The following CDH23 variants were observed in gnomAD, a reference collection of about 807,000 sequenced individuals.
CDH23 encodes the protein cadherin related 23, also known as cadherin-23.
CDH23 carries 189 observed loss-of-function variants against 317.1 expected under a neutral mutation model. The ratio of observed to expected loss-of-function variants is 0.60; its 90% confidence interval spans 0.53 to 0.67. The LOEUF (loss-of-function observed/expected upper bound fraction) is 0.67, where lower values mean the gene tolerates loss of function less well. CDH23 is among the 30% of genes least tolerant of loss of function. The pLI, the probability that CDH23 is intolerant of heterozygous loss-of-function variation, is 0.00. For missense variants in CDH23, 4,401 were observed against 4,592.4 expected, an observed-to-expected ratio of 0.96 and a Z score of 1.20; for synonymous variants, 1,839 against 1,876.8, an observed-to-expected ratio of 0.98 and a Z score of 0.52.
chr10:71,482,881 T>A (rs1346926387), intron 3 of CDH23, among the ~76,000 whole-genome samples: 1 of 152,196 alleles, frequency 6.6e-6, no homozygotes, highest in Non-Finnish European at 1.5e-5. Flanking sequence ...GAGGGAGCCA[T>A]CCTGAAGTGT....
At chr10:71,536,112 C>T (rs1855686552) in intron 6 of CDH23, among the ~76,000 whole-genome samples, 1 of 152,340 alleles carries the variant, frequency 6.6e-6, no homozygotes, top group South Asian at 2.1e-4. Context: ...GCGCTTGCAT[C>T]GTGGGAAAGG....
At chr10:71,429,466 G>T (rs1052720933) in intron 1 of CDH23, among the ~76,000 whole-genome samples, 1 of 152,150 alleles carries the variant, frequency 6.6e-6, no homozygotes, top group Non-Finnish European at 1.5e-5. Flanking sequence ...GGGAGACCCC[G>T]CATGGGTGTG....
chr10:71,502,659 T>C (rs1853402642), intron 3 of CDH23, among the ~76,000 whole-genome samples: 1 of 152,134 alleles, frequency 6.6e-6, no homozygotes, highest in Non-Finnish European at 1.5e-5. Flanking sequence ...GAAATGTGCA[T>C]GGCCAGGGAG....
At chr10:71,713,359 T>G in intron 28 of CDH23, 1 of 754,226 alleles carries the variant, frequency 1.3e-6, no homozygotes, top group South Asian at 1.4e-5. Flanking sequence ...CCCAGAGGCC[T>G]CAGTTGCTGG....
Position 71,751,719 on chromosome 10 carries a change from TG to T in CDH23, c.4845+9801del. ...GGGCCTGGAGGAGACAGGGGGGTGC[TG>T]GGCTCCGAAAGCAGATGCCGCCCAG... On this transcript the variant is annotated intron_variant, in intron 38 of 69. Coordinates refer to ENST00000224721, the MANE Select transcript of CDH23 (RefSeq NM_022124.6). The surrounding 1 kb of genome is among the most constrained non-coding windows in gnomAD (Gnocchi z 4.9). 6.3e-7 allele frequency: 1 copy of T among 1,579,516 alleles called. No homozygotes were observed. Among genetic ancestry groups the T allele is most frequent in the Non-Finnish European group, 8.6e-7 (1 of 1,164,358 alleles).
At position 71,809,147 on chromosome 10, in the gene CDH23, GTT is replaced by G. The variant is rs145830607; in HGVS notation, c.8723-670_8723-669del. 2.3e-3 allele frequency among the ~76,000 whole-genome samples: 293 copies of G among 129,426 alleles called. 1 individual carries two copies. The highest frequency in any genetic ancestry group is 8.1e-3 in the African/African-American group (282 of 34,606). 84.9% of individuals were successfully genotyped at this position (129,426 alleles called of 152,430 possible). ...CCACCTGACCATCTCTCTTCTATGG[GTT>G]TTGTTGTTTTCTTTTTCCTTTTTTT... On this transcript the variant is annotated intron_variant, in intron 60 of 69. Coordinates refer to ENST00000224721, the MANE Select transcript of CDH23 (RefSeq NM_022124.6).
rs1161981728 is a variant in CDH23 at position 71,734,316 on chromosome 10, G to T, written c.4181G>T (p.Gly1394Val). The change falls in exon 33 of 70, where the codon GGC becomes GTC. Residue 1394 changes from glycine to valine, a missense_variant. Physicochemically the swap from Gly to Val is moderately radical, Grantham distance 109. Coordinates refer to ENST00000224721, the MANE Select transcript of CDH23 (RefSeq NM_022124.6). ...FYTLTVVADD[G>V]GPKVDSTVKV... ...ACCTTGACAGTGGTGGCAGATGACG[G>T]CGGCCCCAAGGTGGACTCCACCGTG... is the stretch of plus-strand genomic sequence containing the variant. 5.0e-6 allele frequency: 8 copies of T among 1,611,142 alleles called. No homozygotes were observed. The highest frequency in any genetic ancestry group is 6.8e-6 in the Non-Finnish European group (8 of 1,178,708).
chr10:71,517,356 A>T (rs1854389550), intron 6 of CDH23, among the ~76,000 whole-genome samples: 1 of 152,136 alleles, frequency 6.6e-6, no homozygotes, highest in South Asian at 2.1e-4. Context: ...CAGCCCTGTC[A>T]TCCTGTGTGC....
intron 28 of CDH23, chr10:71,715,974 G>A (rs1469740034): frequency 8.1e-6 from 12 of 1,488,350 alleles, no homozygotes; most frequent in South Asian, 4.1e-5. Context: ...CAGTGGCTGC[G>A]GTTGTCCTCG....
At chr10:71,534,984 C>T (rs192159921) in intron 6 of CDH23, among the ~76,000 whole-genome samples, 40 of 152,370 alleles carry the variant, frequency 2.6e-4, no homozygotes, top group African/African-American at 8.9e-4. Flanking sequence ...TCTTCCCCTC[C>T]CTGTGTGGGC....
At chr10:71,746,562 C>G (rs1839857280) in intron 38 of CDH23, among the ~76,000 whole-genome samples, 1 of 152,278 alleles carries the variant, frequency 6.6e-6, no homozygotes, top group South Asian at 2.1e-4. Context: ...GGAAGACAGG[C>G]CAGGCTTGGG....
intron 2 of CDH23, among the ~76,000 whole-genome samples, chr10:71,443,167 C>T (rs535118754): frequency 2.0e-5 from 3 of 152,374 alleles, no homozygotes; most frequent in East Asian, 3.9e-4. Flanking sequence ...CGCCCTGAGG[C>T]CTGGGGAGGC....
intron 47 of CDH23, 93 bp downstream of exon 47, chr10:71,791,428 C>A: frequency 9.1e-7 from 1 of 1,104,736 alleles, no homozygotes; most frequent in African/African-American, 1.5e-5. Flanking sequence ...GAGTTTGCCT[C>A]CAGTGGGGAG....
At chr10:71,426,878 G>A (rs1849100221) in intron 1 of CDH23, among the ~76,000 whole-genome samples, 2 of 152,064 alleles carry the variant, frequency 1.3e-5, no homozygotes, top group African/African-American at 4.8e-5. Context: ...GGGCGCAGTG[G>A]CTCACACCTG....
chr10:71,653,458 C>T (rs1240678331), intron 14 of CDH23, among the ~76,000 whole-genome samples: 1 of 152,234 alleles, frequency 6.6e-6, no homozygotes, highest in African/African-American at 2.4e-5. Context: ...AATCCAAGAA[C>T]TCTAACATGG....
At chr10:71,576,067 GC>G (rs1454142932) in intron 8 of CDH23, among the ~76,000 whole-genome samples, 1 of 152,222 alleles carries the variant, frequency 6.6e-6, no homozygotes, top group Admixed American at 6.5e-5. Context: ...ACAGAGCCCT[GC>G]CCGCCCAGGG....
intron 14 of CDH23, among the ~76,000 whole-genome samples, chr10:71,661,253 G>A (rs1863637045): frequency 1.3e-5 from 2 of 152,100 alleles, no homozygotes; most frequent in South Asian, 4.2e-4. Context: ...AGCTGACCCA[G>A]GCCCAGCGCT....
chr10:71,633,067 A>G lies in CDH23; in HGVS notation c.1135-10794A>G, dbSNP rs767664379. Reference sequence around the variant, plus strand: ...AGTAGCTCAGGTCTCTCTTCCTCTTATAAAGCCTCTAGTCCCCCTCCCAGG... The same window carrying G: ...AGTAGCTCAGGTCTCTCTTCCTCTTGTAAAGCCTCTAGTCCCCCTCCCAGG... On this transcript the variant is annotated intron_variant, in intron 11 of 69. Coordinates refer to ENST00000224721, the MANE Select transcript of CDH23 (RefSeq NM_022124.6). Among the ~76,000 whole-genome samples the G allele has an allele frequency of 8.6e-5, 13 of 151,968 alleles. No homozygotes were observed. In the East Asian group the frequency reaches 1.8e-3, roughly 20 times the overall value.
At chr10:71,636,954 C>CCA (rs1277823435) in intron 11 of CDH23, among the ~76,000 whole-genome samples, 1 of 152,098 alleles carries the variant, frequency 6.6e-6, no homozygotes, top group Non-Finnish European at 1.5e-5. Flanking sequence ...GTGTCCTCTG[C>CCA]CAGGCTCCTT....
Sources: gnomAD v4.1 joint callset for allele counts (sites outside exome capture counted in the v4.1 genomes callset) on GRCh38, gnomAD v4.1.1 for gene constraint, Gnocchi (gnomAD v3.1) non-coding constraint, MANE v1.5 for transcripts, NCBI Gene and HGNC (gene_info 2026-07-23, HGNC 2026-07-21) for gene names.